The following TMEM229B variants were observed in gnomAD, a reference collection of about 807,000 sequenced individuals.
TMEM229B encodes the protein chromosome 14 open reading frame 83.
TMEM229B carries 6 observed loss-of-function variants against 13.7 expected under a neutral mutation model. The ratio of observed to expected loss-of-function variants is 0.44; its 90% CI spans 0.24 to 0.86. TMEM229B has a LOEUF of 0.86. Among genes scored for constraint, TMEM229B ranks in the 40% least tolerant of loss-of-function variants. The pLI, the probability that TMEM229B is intolerant of heterozygous loss-of-function variation, is 0.23. For missense variants in TMEM229B, 170 were observed against 236.0 expected (o/e 0.72, Z 1.83); for synonymous variants, 107 against 102.1 (o/e 1.05, Z -0.29).
chr14:67,499,740 A>G (rs1243088887), intron 1 of TMEM229B, among the ~76,000 whole-genome samples: 1 of 152,138 alleles, frequency 6.6e-6, no homozygotes, highest in Non-Finnish European at 1.5e-5. Flanking sequence ...TGCCAGAAAT[A>G]CTTATGGCTC....
rs558402717 is a variant in TMEM229B, at chr14:67,480,830, G to A, written c.-19+6170C>T. ...GCTCTTCTTGCCTCTGATCTCTCTG[G>A]GATGGCCCAGACCGGTTTCCCAGCT... On this transcript the variant is annotated intron_variant, in intron 2 of 2. Transcript: ENST00000554480. Among the ~76,000 whole-genome samples the A allele has an allele frequency of 1.0e-3, 155 of 152,264 alleles. 1 individual carries two copies. Among genetic ancestry groups the A allele is most frequent in the African/African-American group, 3.4e-3 (143 of 41,550 alleles).
At chr14:67,518,764 G>C (rs911058388), upstream of TMEM229B, among the ~76,000 whole-genome samples, 4 of 152,370 alleles carry the variant, frequency 2.6e-5, no homozygotes, top group African/African-American at 9.6e-5. Context: ...GCTTGTTAGA[G>C]AGAATTGGTT....
chr14:67,500,721 G>A lies in TMEM229B; in HGVS notation c.-191-13549C>T, dbSNP rs527248432. Among the ~76,000 whole-genome samples the A allele has an allele frequency of 3.3e-5, 5 of 150,628 alleles. No homozygotes were observed. In the East Asian group the frequency reaches 6.1e-4, roughly 18 times the overall value. On this transcript the variant is annotated intron_variant, in intron 1 of 2. Transcript: ENST00000357461. Reference sequence around the variant, plus strand: ...CGAGTAGCTGAGACTACAGGCGCCCGCCACCACGCCCGGCTAATTTTTTGT... The same window carrying A: ...CGAGTAGCTGAGACTACAGGCGCCCACCACCACGCCCGGCTAATTTTTTGT...
intron 1 of TMEM229B, among the ~76,000 whole-genome samples, chr14:67,528,185 A>G (rs940952805): frequency 6.6e-6 from 1 of 152,156 alleles, no homozygotes; most frequent in Non-Finnish European, 1.5e-5. Flanking sequence ...AGATAATAAT[A>G]ACAACCAGCA....
At chr14:67,489,531 C>G (rs914832580), upstream of TMEM229B, among the ~76,000 whole-genome samples, 1 of 152,212 alleles carries the variant, frequency 6.6e-6, no homozygotes, top group Non-Finnish European at 1.5e-5. Flanking sequence ...GCACTGTCAT[C>G]TCTCCTGCCC....
chr14:67,506,420 G>A (rs2032828075), intron 1 of TMEM229B, among the ~76,000 whole-genome samples: 1 of 152,104 alleles, frequency 6.6e-6, no homozygotes, highest in Admixed American at 6.6e-5. Context: ...ACATTCCAAT[G>A]AGTCATGTTT....
At chr14:67,494,830 G>C (rs1438531121) in intron 1 of TMEM229B, among the ~76,000 whole-genome samples, 1 of 152,200 alleles carries the variant, frequency 6.6e-6, no homozygotes, top group East Asian at 1.9e-4. Flanking sequence ...AAACAGAAGT[G>C]GCCAGATGCA....
rs1331535099 is a variant in TMEM229B, at chr14:67,473,928, C to T, written c.-5G>A. 6.3e-7 allele frequency: 1 copy of T among 1,595,154 alleles called. No individual in the cohort carries two copies. The highest frequency in any genetic ancestry group is 8.5e-7 in the Non-Finnish European group (1 of 1,171,104). On this transcript the variant is annotated 5_prime_UTR_variant, in exon 3 of 3. Coordinates refer to ENST00000554480, the MANE Select transcript of TMEM229B (RefSeq NM_001348543.2). This position sits in a 1 kb window ranked among gnomAD's most constrained non-coding sequence, Gnocchi z 6.5. Reference sequence around the variant, plus strand: ...CAGGGGCTCGGCAGACGCCATGGCGCCGACTGGGGCTGGCTGCGGGGGGCG... The same window carrying T: ...CAGGGGCTCGGCAGACGCCATGGCGTCGACTGGGGCTGGCTGCGGGGGGCG...
At chr14:67,496,724 T>TTC (rs1220095571) in intron 1 of TMEM229B, among the ~76,000 whole-genome samples, 4 of 147,872 alleles carry the variant, frequency 2.7e-5, no homozygotes, top group East Asian at 2.0e-4. Context: ...TTTTCTTTCT[T>TTC]TCTCTCTCTC....
At chr14:67,533,539 AGCG>A (rs2033554999) in intron 1 of TMEM229B, 2 of 151,202 alleles carry the variant, frequency 1.3e-5, no homozygotes, top group African/African-American at 4.9e-5. Flanking sequence ...GCGAGCTCCC[AGCG>A]GCGGGGAGCG....
At chr14:67,525,819 G>A (rs2033357974) in intron 1 of TMEM229B, among the ~76,000 whole-genome samples, 4 of 152,274 alleles carry the variant, frequency 2.6e-5, no homozygotes, top group African/African-American at 9.6e-5. Context: ...AGTGTCTTTT[G>A]TTCCAGAGAT....
upstream of TMEM229B, among the ~76,000 whole-genome samples, chr14:67,516,400 G>C (rs867153942): frequency 3.7e-4 from 57 of 152,236 alleles, 1 homozygote; most frequent in Middle Eastern, 3.4e-3. Flanking sequence ...AGCTGGAGAG[G>C]GGGGGAAATG....
At chr14:67,516,381 T>C (rs2033200895), upstream of TMEM229B, among the ~76,000 whole-genome samples, 1 of 141,806 alleles carries the variant, frequency 7.1e-6, no homozygotes, top group Non-Finnish European at 1.6e-5. Flanking sequence ...AATGGCCGCT[T>C]TTCAACCTAG....
upstream of TMEM229B, among the ~76,000 whole-genome samples, chr14:67,517,289 A>C (rs1594720219): frequency 1.3e-5 from 2 of 152,184 alleles, no homozygotes; most frequent in African/African-American, 2.4e-5. Flanking sequence ...GCTCTCCCCC[A>C]GGCTCTGGGA....
intron 1 of TMEM229B, among the ~76,000 whole-genome samples, chr14:67,530,414 T>G (rs146097016): frequency 6.6e-6 from 1 of 152,272 alleles, no homozygotes; most frequent in Non-Finnish European, 1.5e-5. Context: ...TTCCCTCCCA[T>G]AGTGCTGTCC....
At chr14:67,525,722 A>G (rs898810040) in intron 1 of TMEM229B, among the ~76,000 whole-genome samples, 2 of 152,206 alleles carry the variant, frequency 1.3e-5, no homozygotes, top group African/African-American at 2.4e-5. Context: ...GGGAAAATAT[A>G]TTTACAGAAA....
At chr14:67,491,919 G>C (rs2032186693), upstream of TMEM229B, among the ~76,000 whole-genome samples, 1 of 152,212 alleles carries the variant, frequency 6.6e-6, no homozygotes, top group Admixed American at 6.5e-5. Context: ...CATGGGGAAG[G>C]TGCATGGAGA....
chr14:67,532,644 G>A (rs529215735), intron 1 of TMEM229B, among the ~76,000 whole-genome samples: 2 of 152,256 alleles, frequency 1.3e-5, no homozygotes, highest in South Asian at 2.1e-4. Context: ...CTTGAGCTCC[G>A]GAGTTCGAGT....
intron 1 of TMEM229B, among the ~76,000 whole-genome samples, chr14:67,528,036 G>A (rs2033394008): frequency 6.6e-6 from 1 of 152,196 alleles, no homozygotes; most frequent in South Asian, 2.1e-4. Flanking sequence ...GCAAGCACAT[G>A]ATGAATGTAT....
Sources: gnomAD v4.1 joint callset for allele counts (sites outside exome capture counted in the v4.1 genomes callset) on GRCh38, gnomAD v4.1.1 for gene constraint, Gnocchi (gnomAD v3.1) non-coding constraint, MANE v1.5 for transcripts, NCBI Gene and HGNC (gene_info 2026-07-23, HGNC 2026-07-21) for gene names.